The following SPATA17 variants were observed in gnomAD, a reference collection of about 807,000 sequenced individuals.
The protein encoded by SPATA17 is spermatogenesis-associated protein 17.
SPATA17 carries 53 observed loss-of-function variants against 62.2 expected under a neutral mutation model. The observed-to-expected ratio is 0.85, with a 90% confidence interval of 0.68 to 1.07. The LOEUF is 1.07. Ranked by LOEUF, SPATA17 falls within the 50% of genes least tolerant of loss-of-function variation. SPATA17 has a pLI of 0.00. For missense variants in SPATA17, 466 were observed against 425.5 expected, an observed-to-expected ratio of 1.10 and a Z score of -0.84; for synonymous variants, 146 against 146.8, an observed-to-expected ratio of 0.99 and a Z score of 0.04.
intron 9 of SPATA17, among the ~76,000 whole-genome samples, chr1:217,827,590 C>T (rs1315664945): frequency 6.6e-6 from 1 of 152,116 alleles, no homozygotes; most frequent in Non-Finnish European, 1.5e-5. Context: ...TGTGTCTGTT[C>T]ATTGCAGCAC....
Position 217,738,825 on chromosome 1 carries a change from G to A in SPATA17, c.396-3150G>A, listed in dbSNP as rs1485616372. Among the ~76,000 whole-genome samples, 7 of 152,198 alleles carry A rather than the reference G, an allele frequency of 4.6e-5. No homozygotes were observed. In the South Asian group the frequency reaches 1.0e-3, roughly 22 times the overall value. ...AAATTAGCTGGGCGTGGTGGCATGT[G>A]CCTATAATCCCAGCTACTTGGGAGG... On this transcript the variant is annotated intron_variant, in intron 5 of 10. Coordinates refer to ENST00000366933, the MANE Select transcript of SPATA17 (RefSeq NM_138796.4).
In SPATA17 at chr1:217,669,089, T is replaced by G. The variant is rs766585076; in HGVS notation, c.291+6T>G. On this transcript the variant is annotated splice_donor_region_variant and intron_variant, in intron 4 of 10. Transcript: ENST00000366933. ...ACAATGCAATGGCTGTCAGGGTAAA[T>G]ATTTCTTCACTTGTTAAACAAATGA... 3.7e-6 allele frequency: 6 copies of G among 1,608,988 alleles called. No individual in the cohort carries two copies. The highest frequency in any genetic ancestry group is 5.1e-6 in the Non-Finnish European group (6 of 1,177,834).
intron 9 of SPATA17, among the ~76,000 whole-genome samples, chr1:217,834,054 G>A (rs541721819): frequency 6.6e-6 from 1 of 152,278 alleles, no homozygotes; most frequent in South Asian, 2.1e-4. Context: ...TGACGTTTCA[G>A]TCAACAATAG....
At chr1:217,811,556 G>A (rs571740254) in intron 9 of SPATA17, among the ~76,000 whole-genome samples, 1 of 152,072 alleles carries the variant, frequency 6.6e-6, no homozygotes, top group South Asian at 2.1e-4. Flanking sequence ...AGCTGGGCAT[G>A]GTGGTGCACA....
intron 4 of SPATA17, among the ~76,000 whole-genome samples, chr1:217,669,995 A>G (rs887028598): frequency 6.6e-6 from 1 of 152,194 alleles, no homozygotes; most frequent in Non-Finnish European, 1.5e-5. Context: ...GAGGAAAAAT[A>G]TAAAAGGAAG....
chr1:217,865,180 C>T (rs541409246), intron 10 of SPATA17, among the ~76,000 whole-genome samples: 2 of 152,206 alleles, frequency 1.3e-5, no homozygotes, highest in South Asian at 4.2e-4. Flanking sequence ...GATGGGGACA[C>T]CTGCACCAAA....
chr1:217,799,342 A>G (rs903313670), intron 8 of SPATA17, among the ~76,000 whole-genome samples: 3 of 152,140 alleles, frequency 2.0e-5, no homozygotes, highest in Non-Finnish European at 4.4e-5. Context: ...TTCAGACACA[A>G]AAGAAAAATG....
intron 1 of SPATA17, among the ~76,000 whole-genome samples, chr1:217,646,555 C>G (rs1212932080): frequency 2.6e-5 from 4 of 151,970 alleles, no homozygotes; most frequent in Non-Finnish European, 5.9e-5. Context: ...TTCTTCTGCT[C>G]TTTTCATTTC....
intron 9 of SPATA17, among the ~76,000 whole-genome samples, chr1:217,815,027 G>A (rs997686807): frequency 2.0e-5 from 3 of 151,860 alleles, no homozygotes; most frequent in Non-Finnish European, 2.9e-5. Flanking sequence ...AAATTTGAAG[G>A]CCTCAATTTA....
intron 9 of SPATA17, among the ~76,000 whole-genome samples, chr1:217,803,471 C>T (rs1467888968): frequency 6.6e-6 from 1 of 152,072 alleles, no homozygotes; most frequent in Non-Finnish European, 1.5e-5. Flanking sequence ...TAACAACGAA[C>T]TGTTCCAAAA....
chr1:217,714,703 T>A (rs1300678679), intron 5 of SPATA17, among the ~76,000 whole-genome samples: 2 of 151,892 alleles, frequency 1.3e-5, no homozygotes, highest in Non-Finnish European at 2.9e-5. Flanking sequence ...GCCAGGATGG[T>A]CTCGATCTCC....
At chr1:217,770,149 T>C (rs894738593) in intron 6 of SPATA17, among the ~76,000 whole-genome samples, 2 of 152,188 alleles carry the variant, frequency 1.3e-5, no homozygotes, top group Non-Finnish European at 2.9e-5. Flanking sequence ...GCTTAGTATA[T>C]CATTTTTTAA....
chr1:217,654,355 G>T (rs1444974378), intron 3 of SPATA17, among the ~76,000 whole-genome samples: 1 of 151,814 alleles, frequency 6.6e-6, no homozygotes. Context: ...GGCCAGGCTG[G>T]TCTCCAACTC....
chr1:217,704,031 C>G (rs1240866908), intron 5 of SPATA17, among the ~76,000 whole-genome samples: 1 of 151,622 alleles, frequency 6.6e-6, no homozygotes, highest in African/African-American at 2.4e-5. Flanking sequence ...TCTCTAGTTT[C>G]TCTTTAAACA....
At chr1:217,818,514 G>A (rs1348250516) in intron 9 of SPATA17, among the ~76,000 whole-genome samples, 2 of 151,970 alleles carry the variant, frequency 1.3e-5, no homozygotes, top group Non-Finnish European at 2.9e-5. Flanking sequence ...GTAGACAGTT[G>A]TAATACAATG....
intron 9 of SPATA17, among the ~76,000 whole-genome samples, chr1:217,819,396 AT>A (rs1283589520): frequency 6.6e-6 from 1 of 151,220 alleles, no homozygotes; most frequent in Admixed American, 6.6e-5. Flanking sequence ...TCCTTCTTTC[AT>A]TTCTGACTCA....
chr1:217,727,528 G>C (rs116179370), intron 5 of SPATA17, among the ~76,000 whole-genome samples: 1 of 151,888 alleles, frequency 6.6e-6, no homozygotes, highest in Non-Finnish European at 1.5e-5. Context: ...GAAAGCAGGG[G>C]CTATGTATTA....
intron 8 of SPATA17, among the ~76,000 whole-genome samples, chr1:217,790,082 C>A (rs1673962744): frequency 6.6e-6 from 1 of 152,042 alleles, no homozygotes; most frequent in Non-Finnish European, 1.5e-5. Context: ...AAAATGTTAA[C>A]CGGTTAGGGG....
rs188391389 is a variant in SPATA17 at position 217,664,949 on chromosome 1, T to G, written c.241-4084T>G. The stretch of plus-strand genomic sequence containing the variant: ...ACAGCTAAAAAGGAATGGTAAGACA[T>G]TTCAGACAAGCAAAGTCATATGAAT... On this transcript the variant is annotated intron_variant, in intron 3 of 10. Coordinates refer to ENST00000366933, the MANE Select transcript of SPATA17 (RefSeq NM_138796.4). 1.6e-3 allele frequency among the ~76,000 whole-genome samples: 250 copies of G among 151,948 alleles called. 6 individuals are homozygous for G. The highest frequency in any genetic ancestry group is 0.016 in the Admixed American group (247 of 15,250).
Sources: gnomAD v4.1 joint callset for allele counts (sites outside exome capture counted in the v4.1 genomes callset) on GRCh38, gnomAD v4.1.1 for gene constraint, MANE v1.5 for transcripts, NCBI Gene and HGNC (gene_info 2026-07-23, HGNC 2026-07-21) for gene names.